Variants in TCF7L2 observed in about 807,000 individuals in gnomAD.
TCF7L2 encodes transcription factor 7 like 2, also known as transcription factor 7-like 2.
TCF7L2 carries 23 observed loss-of-function variants against 77.9 expected under a neutral mutation model. The observed-to-expected ratio is 0.30, with a 90% CI of 0.21 to 0.42. TCF7L2 has a LOEUF of 0.42. Among genes scored for constraint, TCF7L2 ranks in the 10% least tolerant of loss-of-function variants. The pLI is 1.00. For missense variants in TCF7L2, 654 were observed against 793.1 expected (o/e 0.82, Z 2.11); for synonymous variants, 413 against 340.2 (o/e 1.21, Z -2.36).
chr10:113,144,647 C>G (rs1477619602), intron 7 of TCF7L2, among the ~76,000 whole-genome samples: 1 of 152,170 alleles, frequency 6.6e-6, no homozygotes, highest in Non-Finnish European at 1.5e-5. Context: ...CTCTGAGAGT[C>G]TTTGCACGTT....
intron 5 of TCF7L2, among the ~76,000 whole-genome samples, chr10:113,050,284 T>C (rs1049152072): frequency 2.0e-5 from 3 of 152,092 alleles, no homozygotes; most frequent in African/African-American, 7.2e-5. Flanking sequence ...GCTCAGGTGC[T>C]GGGGTGAAAA....
intron 5 of TCF7L2, among the ~76,000 whole-genome samples, chr10:113,116,538 A>G (rs2063754751): frequency 1.3e-5 from 2 of 152,214 alleles, no homozygotes; most frequent in African/African-American, 4.8e-5. Context: ...TAAAATAGAA[A>G]TGAAAGTACA....
At chr10:113,024,636 TG>T (rs775378571) in intron 4 of TCF7L2, among the ~76,000 whole-genome samples, 13,595 of 144,492 alleles carry the variant, frequency 0.094, 810 homozygotes, top group African/African-American at 0.15. Context: ...TTTTTTTTTT[TG>T]AGACAGAGTT....
At chr10:112,996,945 T>C (rs1590183583) in intron 4 of TCF7L2, among the ~76,000 whole-genome samples, 1 of 152,056 alleles carries the variant, frequency 6.6e-6, no homozygotes, top group Non-Finnish European at 1.5e-5. Context: ...AAAGGAGAGG[T>C]TCATGCTCCG....
chr10:113,119,017 C>T (rs2064335379), intron 5 of TCF7L2, among the ~76,000 whole-genome samples: 1 of 152,260 alleles, frequency 6.6e-6, no homozygotes, highest in East Asian at 1.9e-4. Flanking sequence ...TTCCTATTTT[C>T]GGGCTGCTAA....
At chr10:113,064,414 C>T (rs920001230) in intron 5 of TCF7L2, among the ~76,000 whole-genome samples, 4 of 152,142 alleles carry the variant, frequency 2.6e-5, no homozygotes, top group African/African-American at 9.7e-5. Context: ...ATAAATTGTA[C>T]GAAACCCAAG....
intron 3 of TCF7L2, 23 bp downstream of exon 3, chr10:112,951,630 C>T (rs2031320540): frequency 2.6e-6 from 3 of 1,141,240 alleles, no homozygotes; most frequent in African/African-American, 1.7e-5. Flanking sequence ...GCGCCCGGCC[C>T]CCGCCCGCTG....
chr10:112,974,968 C>CT (rs953760276), intron 4 of TCF7L2, among the ~76,000 whole-genome samples: 6 of 111,020 alleles, frequency 5.4e-5, no homozygotes, highest in African/African-American at 1.6e-4. Flanking sequence ...GTGGTTGCTT[C>CT]TTTTTTTTTC....
chr10:113,164,340 T>C (rs572257655), intron 13 of TCF7L2, among the ~76,000 whole-genome samples: 2 of 152,354 alleles, frequency 1.3e-5, no homozygotes, highest in African/African-American at 4.8e-5. Context: ...GGGGAGATGC[T>C]GGTTTTGGTG....
intron 5 of TCF7L2, among the ~76,000 whole-genome samples, chr10:113,091,152 T>C (rs1238954524): frequency 1.3e-5 from 2 of 152,326 alleles, no homozygotes; most frequent in African/African-American, 2.4e-5. Flanking sequence ...TCTGCATGAC[T>C]TGGCCTCCCA....
chr10:112,964,739 A>ATGGTGGTGGTGG, intron 4 of TCF7L2, 115 bp downstream of exon 4: 1 of 577,058 alleles, frequency 1.7e-6, no homozygotes, highest in Non-Finnish European at 2.7e-6. Flanking sequence ...GATGATGATG[A>ATGGTGGTGGTGG]TGGTGGTGGT....
rs1345927084 is a variant in TCF7L2 at position 113,045,032 on chromosome 10, G to GAGTCAA, written c.552+4909_552+4914dup. 6.6e-5 allele frequency among the ~76,000 whole-genome samples: 10 copies of GAGTCAA among 152,276 alleles called. No homozygotes were observed. The South Asian group carries it at 1.9e-3, about 28-fold the overall frequency. On this transcript the variant is annotated intron_variant, in intron 5 of 13. Transcript: ENST00000627217. Reference sequence around the variant, plus strand: ...GATATTGGCATTGAGGGAGAAAGGAGAGTCAAAGGTAGGTAGATGGAGATG... The same window carrying GAGTCAA: ...GATATTGGCATTGAGGGAGAAAGGAGAGTCAAAGTCAAAGGTAGGTAGATGGAGATG...
chr10:113,043,502 G>C (rs943290792), intron 5 of TCF7L2, among the ~76,000 whole-genome samples: 12 of 152,176 alleles, frequency 7.9e-5, no homozygotes, highest in African/African-American at 2.9e-4. Context: ...GAAATCGATT[G>C]CAACAGGGAC....
intron 5 of TCF7L2, among the ~76,000 whole-genome samples, chr10:113,080,237 A>G (rs1403228149): frequency 6.6e-6 from 1 of 151,356 alleles, no homozygotes; most frequent in African/African-American, 2.4e-5. Context: ...TTCATCCCAG[A>G]CTCCACACCC....
At chr10:113,157,667 C>T (rs2072233801) in intron 11 of TCF7L2, 4 of 220,552 alleles carry the variant, frequency 1.8e-5, no homozygotes, top group African/African-American at 9.2e-5. Context: ...CTTGCAACGC[C>T]ATCATCCCAC....
intron 11 of TCF7L2, among the ~76,000 whole-genome samples, chr10:113,154,938 A>G (rs1032916489): frequency 1.4e-5 from 2 of 148,066 alleles, no homozygotes; most frequent in African/African-American, 5.3e-5. Flanking sequence ...GAACCGCAGC[A>G]CTGAAGCTTT....
chr10:113,026,318 A>AT (rs567225654), intron 4 of TCF7L2, among the ~76,000 whole-genome samples: 61 of 147,038 alleles, frequency 4.1e-4, no homozygotes, highest in African/African-American at 5.2e-4. Context: ...TGCCTGGCTA[A>AT]TTTTTTTTTT....
intron 4 of TCF7L2, among the ~76,000 whole-genome samples, chr10:112,968,179 C>T (rs537081536): frequency 2.9e-4 from 44 of 152,188 alleles, no homozygotes; most frequent in African/African-American, 7.5e-4. Context: ...CTTTTTGAGC[C>T]GCTCAGTCTC....
At chr10:113,100,210 G>A (rs776644659) in intron 5 of TCF7L2, among the ~76,000 whole-genome samples, 3 of 152,208 alleles carry the variant, frequency 2.0e-5, no homozygotes, top group African/African-American at 7.2e-5. Context: ...AAAGCATCCC[G>A]AGAGCACGGG....
Sources: allele counts gnomAD v4.1 joint callset (sites outside exome capture counted in the v4.1 genomes callset), GRCh38; gene constraint gnomAD v4.1.1; transcripts MANE v1.5; gene names NCBI Gene and HGNC (gene_info 2026-07-23, HGNC 2026-07-21).